MAGI2: variants seen among roughly 807,000 people sequenced by gnomAD.
The protein encoded by MAGI2 is membrane associated guanylate kinase, WW and PDZ domain containing 2.
Under a neutral mutation model 133.3 loss-of-function variants are expected in MAGI2, and 35 were observed. The ratio of observed to expected loss-of-function variants is 0.26; its 90% CI spans 0.20 to 0.35. The LOEUF (loss-of-function observed/expected upper bound fraction) is 0.35. Among genes scored for constraint, MAGI2 ranks in the 10% least tolerant of loss-of-function variants. MAGI2 has a pLI of 1.00. For synonymous variants in MAGI2, 729 were observed against 710.6 expected (o/e 1.03, Z -0.41); for missense variants, 1,636 against 1,863.4 (o/e 0.88, Z 2.25).
chr7:78,770,854 G>C (rs974865104), intron 2 of MAGI2: 44 of 152,664 alleles, frequency 2.9e-4, no homozygotes, highest in African/African-American at 8.9e-4. Flanking sequence ...TACTAACCTA[G>C]AGCTCTGTTC....
intron 16 of MAGI2, among the ~76,000 whole-genome samples, chr7:78,144,836 G>A (rs1396201689): frequency 3.3e-5 from 5 of 152,124 alleles, no homozygotes; most frequent in African/African-American, 4.8e-5. Context: ...GTGTGCCATG[G>A]TGGTTTGCTG....
rs190249397 is a variant in MAGI2, at chr7:78,573,173, C to T, written c.539-51528G>A. Among the ~76,000 whole-genome samples the T allele has an allele frequency of 3.1e-3, 268 of 85,300 alleles. 2 individuals are homozygous for T. The highest frequency in any genetic ancestry group is 4.6e-3 in the Non-Finnish European group (209 of 45,742). The allele number at this position is 85,300 out of a possible 152,430, so 56.0% of individuals were successfully genotyped here. ...TATAGGCTATATATATACACACACA[C>T]GTACCCTGGAACTTTTATATATATA... On this transcript the variant is annotated intron_variant, in intron 3 of 21. Transcript: ENST00000354212.
chr7:79,254,899 A>G (rs1833574824), intron 1 of MAGI2, among the ~76,000 whole-genome samples: 1 of 152,194 alleles, frequency 6.6e-6, no homozygotes, highest in African/African-American at 2.4e-5. Context: ...GAATGTTCCA[A>G]GACTCATTTG....
At chr7:78,785,074 A>G (rs1406372375) in intron 2 of MAGI2, among the ~76,000 whole-genome samples, 1 of 152,220 alleles carries the variant, frequency 6.6e-6, no homozygotes, top group African/African-American at 2.4e-5. Context: ...CCTTATAACT[A>G]TATGTTCACT....
intron 20 of MAGI2, among the ~76,000 whole-genome samples, chr7:78,120,815 A>C (rs896503117): frequency 4.6e-5 from 7 of 150,610 alleles, no homozygotes; most frequent in East Asian, 3.9e-4. Flanking sequence ...TCCCGGCTAA[A>C]ACGGTGAAAC....
intron 1 of MAGI2, among the ~76,000 whole-genome samples, chr7:79,301,460 G>A (rs1837390565): frequency 6.6e-6 from 1 of 152,224 alleles, no homozygotes; most frequent in African/African-American, 2.4e-5. Flanking sequence ...TTTGTGTGAG[G>A]CCTGCAGCCC....
rs576440690 is a variant in MAGI2 at position 79,274,707 on chromosome 7, T to C, written c.301+178313A>G. Among the ~76,000 whole-genome samples the C allele has an allele frequency of 5.9e-5, 9 of 152,330 alleles. No individual in the cohort carries two copies. In the South Asian group the frequency reaches 1.9e-3, roughly 32 times the overall value. On this transcript the variant is annotated intron_variant, in intron 1 of 21. Coordinates refer to ENST00000354212, the MANE Select transcript of MAGI2 (RefSeq NM_012301.4). ...CTTTATTGCACTTTGCAGATATTTG[T>C]GTATTTTACAAATTGAAGGTTGTGT... is the stretch of plus-strand genomic sequence containing the variant.
chr7:78,184,814 T>C (rs1488388081), intron 13 of MAGI2, among the ~76,000 whole-genome samples: 1 of 152,226 alleles, frequency 6.6e-6, no homozygotes, highest in Admixed American at 6.5e-5. Context: ...GCTCTTAAAA[T>C]TAAAATATGA....
At chr7:79,289,389 T>C (rs563875398) in intron 1 of MAGI2, among the ~76,000 whole-genome samples, 1 of 152,276 alleles carries the variant, frequency 6.6e-6, no homozygotes, top group East Asian at 1.9e-4. Context: ...GGAAATCATG[T>C]CTCAATGCAA....
Position 79,077,594 on chromosome 7 carries a change from A to AT in MAGI2, c.302-70389_302-70388insA, listed in dbSNP as rs1256279327. Among the ~76,000 whole-genome samples, 10 of 53,604 alleles carry AT rather than the reference A, an allele frequency of 1.9e-4. 1 individual carries two copies. Among genetic ancestry groups the AT allele is most frequent in the Non-Finnish European group, 4.4e-4 (9 of 20,514 alleles). 35.2% of individuals were successfully genotyped at this position (53,604 alleles called of 152,430 possible). ...CCTCTCAAAAAAAAAAAAAAAAAAA[A>AT]ATAAATAAATAAATAAATTCCCTTT... On this transcript the variant is annotated intron_variant, in intron 1 of 21. Transcript: ENST00000354212.
intron 1 of MAGI2, among the ~76,000 whole-genome samples, chr7:79,065,240 A>G (rs951511166): frequency 6.6e-6 from 1 of 152,126 alleles, no homozygotes; most frequent in Non-Finnish European, 1.5e-5. Context: ...TCTACAGGTT[A>G]AAGTAGCCAC....
chr7:78,228,999 C>CA (rs1451449092), intron 10 of MAGI2, among the ~76,000 whole-genome samples: 2 of 152,254 alleles, frequency 1.3e-5, no homozygotes, highest in Non-Finnish European at 2.9e-5. Flanking sequence ...CTCGTGCCCA[C>CA]AGGGGCCTTT....
intron 1 of MAGI2, among the ~76,000 whole-genome samples, chr7:79,416,244 T>C (rs928943610): frequency 6.6e-6 from 1 of 152,066 alleles, no homozygotes; most frequent in African/African-American, 2.4e-5. Flanking sequence ...ACTAGAAATA[T>C]TAATCTGTTC....
chr7:78,506,236 G>GT (rs1475425053), intron 4 of MAGI2, among the ~76,000 whole-genome samples: 1 of 152,144 alleles, frequency 6.6e-6, no homozygotes, highest in Admixed American at 6.5e-5. Context: ...ACCTGCCATG[G>GT]TGGGTGGCAA....
At chr7:79,357,715 C>T (rs568354876) in intron 1 of MAGI2, among the ~76,000 whole-genome samples, 2 of 152,102 alleles carry the variant, frequency 1.3e-5, no homozygotes, top group Non-Finnish European at 2.9e-5. Context: ...AAATGGAACC[C>T]CATCACTTCC....
intron 1 of MAGI2, among the ~76,000 whole-genome samples, chr7:79,306,089 C>G (rs1837767881): frequency 6.7e-6 from 1 of 149,418 alleles, no homozygotes; most frequent in Non-Finnish European, 1.5e-5. Context: ...TCACTGCAGT[C>G]TTGACCTTCT....
intron 2 of MAGI2, among the ~76,000 whole-genome samples, chr7:78,999,844 T>C (rs1806678328): frequency 1.3e-5 from 2 of 152,210 alleles, no homozygotes; most frequent in Admixed American, 1.3e-4. Flanking sequence ...CTAATAACCC[T>C]TATTCTTCAC....
At position 78,277,716 on chromosome 7, in the gene MAGI2, G is replaced by T. The variant is rs186639053; in HGVS notation, c.1409-21135C>A. On this transcript the variant is annotated intron_variant, in intron 9 of 21. Coordinates refer to ENST00000354212, the MANE Select transcript of MAGI2 (RefSeq NM_012301.4). ...CAACAGTAGAACATCAGATTGGAAA[G>T]TAGCCATTGATTTCGCCAAGTGGGT... Among the ~76,000 whole-genome samples the T allele has an allele frequency of 1.0e-3, 156 of 152,282 alleles. 1 individual carries two copies. The highest frequency in any genetic ancestry group is 5.4e-4 in the Non-Finnish European group (37 of 68,032).
intron 6 of MAGI2, among the ~76,000 whole-genome samples, chr7:78,370,020 A>G (rs1793762945): frequency 6.6e-6 from 1 of 152,100 alleles, no homozygotes; most frequent in Non-Finnish European, 1.5e-5. Flanking sequence ...GAATTTTTAC[A>G]TATATAGAAA....
Sources: gnomAD v4.1 joint callset for allele counts (sites outside exome capture counted in the v4.1 genomes callset) on GRCh38, gnomAD v4.1.1 for gene constraint, MANE v1.5 for transcripts, NCBI Gene and HGNC (gene_info 2026-07-23, HGNC 2026-07-21) for gene names.